TMEM117: variants seen among roughly 807,000 people sequenced by gnomAD.
TMEM117 encodes the protein transmembrane protein 117.
TMEM117 carries 27 observed loss-of-function variants against 52.4 expected under a neutral mutation model. The ratio of observed to expected loss-of-function variants is 0.51; its 90% CI spans 0.38 to 0.71. The LOEUF (loss-of-function observed/expected upper bound fraction) is 0.71. TMEM117 is among the 30% of genes least tolerant of loss of function. TMEM117 has a pLI of 0.00. For synonymous variants in TMEM117, 215 were observed against 206.3 expected (o/e 1.04, Z -0.36); for missense variants, 556 against 630.5 (o/e 0.88, Z 1.26).
At chr12:43,884,931 C>G (rs2137460403) in intron 2 of TMEM117, among the ~76,000 whole-genome samples, 1 of 152,318 alleles carries the variant, frequency 6.6e-6, no homozygotes, top group East Asian at 1.9e-4. Context: ...AAGCCTTTGT[C>G]TCCTTGCAGT....
intron 3 of TMEM117, among the ~76,000 whole-genome samples, chr12:44,134,783 C>T (rs1310000252): frequency 2.0e-5 from 3 of 151,808 alleles, no homozygotes. Context: ...TACCCTCTTT[C>T]CTGGGTGAAT....
At chr12:43,870,648 C>T (rs1054698097) in intron 2 of TMEM117, among the ~76,000 whole-genome samples, 1 of 152,136 alleles carries the variant, frequency 6.6e-6, no homozygotes, top group African/African-American at 2.4e-5. Context: ...AATGGGATTG[C>T]TGGGTTGAGT....
intron 3 of TMEM117, among the ~76,000 whole-genome samples, chr12:43,956,484 A>G (rs1254035730): frequency 7.1e-6 from 1 of 141,158 alleles, no homozygotes; most frequent in East Asian, 2.2e-4. Flanking sequence ...GGCAAAGGAT[A>G]TAAACAGACA....
At chr12:44,144,551 A>C (rs1340927693) in intron 4 of TMEM117, among the ~76,000 whole-genome samples, 1 of 152,214 alleles carries the variant, frequency 6.6e-6, no homozygotes, top group Non-Finnish European at 1.5e-5. Context: ...TAGGAACAAA[A>C]GAGTTCCTGC....
At chr12:43,879,541 G>A (rs1246807988) in intron 2 of TMEM117, among the ~76,000 whole-genome samples, 1 of 152,134 alleles carries the variant, frequency 6.6e-6, no homozygotes, top group Non-Finnish European at 1.5e-5. Context: ...TAGCTAACCA[G>A]TAGAGGTACA....
intron 3 of TMEM117, among the ~76,000 whole-genome samples, chr12:44,141,750 G>A (rs1437327650): frequency 6.6e-6 from 1 of 152,044 alleles, no homozygotes; most frequent in Non-Finnish European, 1.5e-5. Context: ...GGTACTGAAT[G>A]GTGCTACACC....
intron 3 of TMEM117, among the ~76,000 whole-genome samples, chr12:44,141,049 A>C (rs979919931): frequency 2.6e-5 from 4 of 151,996 alleles, no homozygotes; most frequent in African/African-American, 7.2e-5. Flanking sequence ...AGTTCTCTCT[A>C]ATCTGGTATC....
intron 6 of TMEM117, among the ~76,000 whole-genome samples, chr12:44,343,301 C>G (rs1165536683): frequency 6.6e-6 from 1 of 151,874 alleles, no homozygotes; most frequent in Non-Finnish European, 1.5e-5. Context: ...TATTTCCAAC[C>G]CAGGGAACAG....
the TMEM117 span, among the ~76,000 whole-genome samples, chr12:43,814,738 CTTTTTTTT>C: frequency 1.9e-5 from 2 of 107,632 alleles, no homozygotes; most frequent in Non-Finnish European, 3.8e-5. Flanking sequence ...GGGTTTGAAT[CTTTTTTTT>C]TTTTTTTTTT....
intron 2 of TMEM117, among the ~76,000 whole-genome samples, chr12:43,937,224 A>G (rs1048631153): frequency 4.6e-5 from 7 of 152,246 alleles, no homozygotes; most frequent in Non-Finnish European, 7.3e-5. Context: ...GTTGAGACCA[A>G]AGTCATATTC....
At chr12:44,366,412 C>T (rs1951790070) in intron 6 of TMEM117, among the ~76,000 whole-genome samples, 1 of 152,112 alleles carries the variant, frequency 6.6e-6, no homozygotes, top group African/African-American at 2.4e-5. Flanking sequence ...CCATTGACCT[C>T]TGGACTAACA....
intron 5 of TMEM117, among the ~76,000 whole-genome samples, chr12:44,214,859 T>C (rs546536039): frequency 7.9e-5 from 12 of 152,292 alleles, no homozygotes; most frequent in African/African-American, 2.2e-4. Flanking sequence ...ATAGAAATTA[T>C]GTGGGAAGTA....
At chr12:44,356,886 G>A (rs999119951) in intron 6 of TMEM117, among the ~76,000 whole-genome samples, 1 of 152,102 alleles carries the variant, frequency 6.6e-6, no homozygotes, top group Non-Finnish European at 1.5e-5. Context: ...CGTTGTTATA[G>A]TCATCTTCCT....
chr12:44,127,435 G>A (rs1407572449), intron 3 of TMEM117, among the ~76,000 whole-genome samples: 1 of 152,040 alleles, frequency 6.6e-6, no homozygotes, highest in Non-Finnish European at 1.5e-5. Context: ...CCAGAACTTT[G>A]GGAGGCCGAG....
At chr12:43,958,938 C>T (rs1258508951) in intron 3 of TMEM117, among the ~76,000 whole-genome samples, 1 of 152,038 alleles carries the variant, frequency 6.6e-6, no homozygotes, top group Non-Finnish European at 1.5e-5. Flanking sequence ...TCCCGAGTAG[C>T]TGGGACTGCA....
chr12:44,270,264 G>A (rs899510659), intron 5 of TMEM117, among the ~76,000 whole-genome samples: 2 of 152,064 alleles, frequency 1.3e-5, no homozygotes, highest in African/African-American at 4.8e-5. Flanking sequence ...ACAGAAAGAG[G>A]TTGTTAATAG....
chr12:44,196,470 T>C (rs1033723002), intron 4 of TMEM117, among the ~76,000 whole-genome samples: 1 of 152,034 alleles, frequency 6.6e-6, no homozygotes, highest in Non-Finnish European at 1.5e-5. Context: ...CAGAAAAATA[T>C]CAGAAAAGTA....
At chr12:43,888,537 A>C (rs1337112869) in intron 2 of TMEM117, among the ~76,000 whole-genome samples, 1 of 127,972 alleles carries the variant, frequency 7.8e-6, no homozygotes, top group Non-Finnish European at 1.6e-5. Context: ...TGTGCACATT[A>C]GTTTTCTTTT....
At chr12:43,813,976 T>C in the TMEM117 span, among the ~76,000 whole-genome samples, 11 of 152,104 alleles carry the variant, frequency 7.2e-5, no homozygotes, top group Non-Finnish European at 1.3e-4. Flanking sequence ...CAAAGATCCC[T>C]AGTAGATTTT....
Sources: gnomAD v4.1 joint callset for allele counts (sites outside exome capture counted in the v4.1 genomes callset) on GRCh38, gnomAD v4.1.1 for gene constraint, MANE v1.5 for transcripts, NCBI Gene and HGNC (gene_info 2026-07-23, HGNC 2026-07-21) for gene names.